Variants in FBXL20 observed in about 807,000 individuals in gnomAD.
FBXL20 encodes F-box and leucine rich repeat protein 20.
In FBXL20, 11 loss-of-function variants were observed where a neutral mutation model predicts 64.0. The ratio of observed to expected loss-of-function variants is 0.17; its 90% CI spans 0.11 to 0.28. FBXL20 has a LOEUF of 0.28. Among genes scored for constraint, FBXL20 ranks in the 10% least tolerant of loss-of-function variants. The pLI, the probability that FBXL20 is intolerant of heterozygous loss-of-function variation, is 1.00. For missense variants in FBXL20, 303 were observed against 526.2 expected (o/e 0.58, Z 4.15); for synonymous variants, 184 against 189.0 (o/e 0.97, Z 0.22).
At chr17:39,280,899 G>A (rs2046944683) in intron 9 of FBXL20, among the ~76,000 whole-genome samples, 2 of 151,976 alleles carry the variant, frequency 1.3e-5, no homozygotes, top group African/African-American at 4.8e-5. Context: ...AAGAAGCTGG[G>A]ACTACAGGCA....
At chr17:39,359,200 C>T (rs957932113) in intron 1 of FBXL20, among the ~76,000 whole-genome samples, 7 of 151,852 alleles carry the variant, frequency 4.6e-5, no homozygotes, top group African/African-American at 1.5e-4. Flanking sequence ...CGTGGCGGCA[C>T]GCACTTGTAC....
intron 6 of FBXL20, among the ~76,000 whole-genome samples, chr17:39,293,262 C>T (rs577347830): frequency 2.6e-5 from 4 of 151,674 alleles, no homozygotes; most frequent in African/African-American, 9.7e-5. Context: ...CGCTCTGTCG[C>T]CCAGGCTGGA....
At chr17:39,275,387 G>A (rs2046880490) in intron 9 of FBXL20, among the ~76,000 whole-genome samples, 1 of 151,862 alleles carries the variant, frequency 6.6e-6, no homozygotes, top group Non-Finnish European at 1.5e-5. Context: ...CATAGTTTAG[G>A]TTCAATTAAA....
intron 1 of FBXL20, among the ~76,000 whole-genome samples, chr17:39,356,652 G>C (rs150842585): frequency 6.6e-6 from 1 of 151,388 alleles, no homozygotes; most frequent in African/African-American, 2.4e-5. Flanking sequence ...CCCTGCGCTC[G>C]GCCTACATTT....
chr17:39,393,738 A>G (rs374807859), intron 1 of FBXL20, among the ~76,000 whole-genome samples: 13 of 152,328 alleles, frequency 8.5e-5, no homozygotes, highest in East Asian at 5.8e-4. Flanking sequence ...CTATAACTCA[A>G]ATGCCTAATA....
intron 6 of FBXL20, among the ~76,000 whole-genome samples, chr17:39,287,588 A>G (rs2047000067): frequency 6.6e-6 from 1 of 152,094 alleles, no homozygotes; most frequent in Admixed American, 6.6e-5. Flanking sequence ...ATTTTTTTGT[A>G]GAGACAGGGT....
intron 4 of FBXL20, among the ~76,000 whole-genome samples, chr17:39,299,425 T>A (rs665413): frequency 0.21 from 32,546 of 152,152 alleles, 3,989 homozygotes; most frequent in African/African-American, 0.33. Context: ...TTTTTTTGTA[T>A]CTTTTCCAAA....
At chr17:39,351,519 C>T (rs7214151) in intron 1 of FBXL20, among the ~76,000 whole-genome samples, 99,922 of 151,400 alleles carry the variant, frequency 0.66, 33,856 homozygotes, top group African/African-American at 0.84. Context: ...ATCCAAACTC[C>T]AGGTTTCTCA....
intron 2 of FBXL20, among the ~76,000 whole-genome samples, chr17:39,330,727 G>A (rs989170824): frequency 6.6e-6 from 1 of 152,122 alleles, no homozygotes. Flanking sequence ...AACATCCAAT[G>A]TACTCTAGAG....
At chr17:39,364,565 G>A (rs536298205) in intron 1 of FBXL20, among the ~76,000 whole-genome samples, 30 of 152,230 alleles carry the variant, frequency 2.0e-4, no homozygotes, top group African/African-American at 5.5e-4. Flanking sequence ...AGCCAAGGTC[G>A]TGCCACTGCA....
chr17:39,363,827 C>CAAAAAAAAAAAAAAAAAAAAAAAAAAAAA (rs1555612706), intron 1 of FBXL20, among the ~76,000 whole-genome samples: 2 of 78,022 alleles, frequency 2.6e-5, no homozygotes, highest in East Asian at 3.8e-4. Flanking sequence ...AAAAAAAAAA[C>CAAAAAAAAAAAAAAAAAAAAAAAAAAAAA]AAAAAACAAA....
intron 2 of FBXL20, among the ~76,000 whole-genome samples, chr17:39,330,146 T>C (rs1292321021): frequency 1.4e-5 from 2 of 147,224 alleles, no homozygotes; most frequent in African/African-American, 5.0e-5. Context: ...ACAAAACAAA[T>C]ATTAGCCGGG....
In FBXL20 at chr17:39,401,507, A is replaced by AGG; in HGVS notation, c.-107_-106dup. The AGG allele has an allele frequency of 6.8e-7, 1 of 1,480,100 alleles. No individual in the cohort carries two copies. The highest frequency in any genetic ancestry group is 8.9e-7 in the Non-Finnish European group (1 of 1,120,810). 91.7% of individuals were successfully genotyped at this position (1,480,100 alleles called of 1,614,324 possible). ...TTCCGGGACGGGGACTGGGCGCCGG[A>AGG]GGGGTGACGCCGGGACCGTGGGACG... On this transcript the variant is annotated 5_prime_UTR_variant, in exon 1 of 15. Transcript: ENST00000264658.
chr17:39,342,976 G>T lies in FBXL20; in HGVS notation c.104+204C>A, dbSNP rs1417798074. Reference sequence around the variant, plus strand: ...AAAATCATATCATAAGTACAAGTTGGAATGGAAAAAATTGGTACTAAATTT... The same window carrying T: ...AAAATCATATCATAAGTACAAGTTGTAATGGAAAAAATTGGTACTAAATTT... On this transcript the variant is annotated intron_variant, in intron 2 of 14. Coordinates refer to ENST00000264658, the MANE Select transcript of FBXL20 (RefSeq NM_032875.3). Among the ~76,000 whole-genome samples the T allele has an allele frequency of 2.6e-5, 4 of 152,258 alleles. No individual in the cohort carries two copies. In the South Asian group the frequency reaches 8.3e-4, roughly 32 times the overall value.
intron 1 of FBXL20, among the ~76,000 whole-genome samples, chr17:39,360,846 A>G (rs572875499): frequency 3.3e-4 from 50 of 152,232 alleles, no homozygotes; most frequent in African/African-American, 1.2e-3. Context: ...CACATCCCCA[A>G]AACAATGCCT....
chr17:39,263,038 TTGGCTATACC>T (rs2046761470), intron 14 of FBXL20, among the ~76,000 whole-genome samples: 1 of 151,632 alleles, frequency 6.6e-6, no homozygotes, highest in Non-Finnish European at 1.5e-5. Flanking sequence ...TTCTAGTTAT[TTGGCTATACC>T]TGGGTCTCTC....
intron 2 of FBXL20, among the ~76,000 whole-genome samples, chr17:39,337,697 C>T (rs1308281842): frequency 2.0e-5 from 3 of 151,472 alleles, no homozygotes; most frequent in Admixed American, 1.3e-4. Flanking sequence ...AAGTGAGGAG[C>T]CCCTCCGCCC....
intron 1 of FBXL20, among the ~76,000 whole-genome samples, chr17:39,369,533 AG>A (rs1318679685): frequency 6.6e-6 from 1 of 151,938 alleles, no homozygotes; most frequent in African/African-American, 2.4e-5. Flanking sequence ...TAGTATTTTT[AG>A]AAGAGACGGG....
intron 1 of FBXL20, among the ~76,000 whole-genome samples, chr17:39,376,918 G>A (rs111868966): frequency 7.9e-5 from 12 of 152,048 alleles, no homozygotes; most frequent in Non-Finnish European, 1.2e-4. Context: ...TAACTTAACC[G>A]ACTCCACCTT....
Sources: gnomAD v4.1 joint callset for allele counts (sites outside exome capture counted in the v4.1 genomes callset) on GRCh38, gnomAD v4.1.1 for gene constraint, MANE v1.5 for transcripts, NCBI Gene and HGNC (gene_info 2026-07-23, HGNC 2026-07-21) for gene names.